TIGD5: variants seen among roughly 807,000 people sequenced by gnomAD.
TIGD5 encodes the protein tigger transposable element derived 5, also known as tigger transposable element-derived protein 5.
TIGD5 carries 24 observed loss-of-function variants against 28.8 expected under a neutral mutation model. The ratio of observed to expected loss-of-function variants is 0.83; its 90% confidence interval spans 0.60 to 1.17. The LOEUF (loss-of-function observed/expected upper bound fraction) is 1.17. TIGD5 is among the 50% of genes most tolerant of loss of function. The pLI is 0.00. For synonymous variants in TIGD5, 538 were observed against 430.5 expected (o/e 1.25, Z -3.09); for missense variants, 922 against 911.4 (o/e 1.01, Z -0.15).
rs1829279828 is a variant in TIGD5, at chr8:143,602,284, CGCT to C, written c.*2457_*2459del. The C allele has an allele frequency of 1.3e-5, 2 of 152,242 alleles. No individual in the cohort carries two copies. Among genetic ancestry groups the C allele is most frequent in the Admixed American group, 6.5e-5 (1 of 15,278 alleles). The allele number at this position is 152,242 out of a possible 1,614,324, so 9.4% of individuals were successfully genotyped here. ...TGACAGAGGCTTGGCCGCTGGGCCC[CGCT>C]GCTGAGAAGGCTGCTCTGCCCATGC... On this transcript the variant is annotated 3_prime_UTR_variant, in exon 1 of 1. Coordinates refer to ENST00000504548, the MANE Select transcript of TIGD5 (RefSeq NM_032862.5).
Position 143,598,179 on chromosome 8 carries a change from C to A in TIGD5, c.276C>A (p.Leu92=). 1 of 1,603,098 alleles carries A rather than the reference C, an allele frequency of 6.2e-7. No individual in the cohort carries two copies. Among genetic ancestry groups the A allele is most frequent in the Non-Finnish European group, 8.5e-7 (1 of 1,175,754 alleles). The change falls in exon 1 of 1, where the codon CTC becomes CTA. Residue 92 remains leucine, a synonymous_variant. Transcript: ENST00000504548. This position sits in a 1 kb window ranked among gnomAD's most constrained non-coding sequence, Gnocchi z 6.6. ...CGGGCGGGACGCTGCGCGGCTGGCT[C>A]AAGGACGAGCCCAAGCTGCGCTGGT... The part of the protein sequence containing the change: ...GVPGGTLRGW[L]KDEPKLRWFL...
chr8:143,598,022 C>T lies in TIGD5; in HGVS notation c.119C>T (p.Pro40Leu), dbSNP rs2131376618. ...GCTGCACGGCCGCCGCCCCCCGCGC[C>T]CGGGCCGCGGCCCCGCGTGGCCGTG... ...VPAARPPPPA[P>L]GPRPRVAVKM... The change falls in exon 1 of 1, where the codon CCC (proline) becomes CTC (leucine). Residue 40 changes from proline to leucine, a missense_variant. By Grantham distance (98) the Pro-to-Leu change is moderately conservative. Around this residue, in one of 3 missense-constraint regions of TIGD5, gnomAD observed 87 missense variants for 60.9 expected, o/e 1.43. Transcript: ENST00000504548. This position sits in a 1 kb window ranked among gnomAD's most constrained non-coding sequence, Gnocchi z 6.6. 1.5e-6 allele frequency: 2 copies of T among 1,303,290 alleles called. No homozygotes were observed. The highest frequency in any genetic ancestry group is 8.3e-5 in the Admixed American group (2 of 24,080). The allele number at this position is 1,303,290 out of a possible 1,614,324, so 80.7% of individuals were successfully genotyped here.
chr8:143,598,948 C>G lies in TIGD5; in HGVS notation c.1045C>G (p.Leu349Val), dbSNP rs978222542. ...CAAACGCTACCTGCGCCGAAGCTGC[C>G]TGCAGCAGAAGGCCGTGCTGCTGGT... The part of the protein sequence containing the change: ...GVKRYLRRSC[L>V]QQKAVLLVAH... Residue 349 changes from leucine to valine, a missense_variant, in exon 1 of 1, where the codon CTG becomes GTG. By Grantham distance (32) the Leu-to-Val change is conservative. Around this residue, in one of 3 missense-constraint regions of TIGD5, gnomAD observed 821 missense variants for 815.2 expected, o/e 1.01. Transcript: ENST00000504548. This position sits in a 1 kb window ranked among gnomAD's most constrained non-coding sequence, Gnocchi z 6.6. 21 of 1,586,120 alleles carry G rather than the reference C, an allele frequency of 1.3e-5. No homozygotes were observed. Among genetic ancestry groups the G allele is most frequent in the African/African-American group, 2.7e-5 (2 of 74,670 alleles).
In TIGD5 at chr8:143,599,449, C is replaced by T. The variant is rs1313622809; in HGVS notation, c.1546C>T (p.Leu516=). Residue 516 remains leucine (L), a synonymous_variant, in exon 1 of 1, where the codon CTG becomes TTG. Coordinates refer to ENST00000504548, the MANE Select transcript of TIGD5 (RefSeq NM_032862.5). ...HSRVLSDLTH[L]AALAYKCLAP... ...CAGGGTGCTCAGCGACCTCACCCAC[C>T]TGGCGGCTCTGGCCTACAAGTGCCT... 6.3e-7 allele frequency: 1 copy of T among 1,581,188 alleles called. No individual in the cohort carries two copies. Among genetic ancestry groups the T allele is most frequent in the African/African-American group, 1.3e-5 (1 of 74,348 alleles).
Position 143,599,560 on chromosome 8 carries a change from C to G in TIGD5, c.1657C>G (p.Leu553Val), listed in dbSNP as rs756275639. 3 of 1,559,962 alleles carry G rather than the reference C, an allele frequency of 1.9e-6. No individual in the cohort carries two copies. In the African/African-American group the frequency reaches 4.1e-5, roughly 21 times the overall value. Residue 553 changes from leucine (L) to valine (V), a missense_variant, in exon 1 of 1, where the codon CTG becomes GTG. Coordinates refer to ENST00000504548, the MANE Select transcript of TIGD5 (RefSeq NM_032862.5). ...EGCREEVGPA[L>V]PPAAPPAPAS... ...CTGCAGGGAGGAGGTGGGCCCAGCC[C>G]TGCCCCCTGCAGCGCCTCCGGCCCC...
At position 143,599,602 on chromosome 8, in the gene TIGD5, G is replaced by A; in HGVS notation, c.1699G>A (p.Ala567Thr). The A allele has an allele frequency of 6.5e-7, 1 of 1,531,332 alleles. No homozygotes were observed. Among genetic ancestry groups the A allele is most frequent in the Admixed American group, 2.2e-5 (1 of 46,146 alleles). The allele number at this position is 1,531,332 out of a possible 1,614,324, so 94.9% of individuals were successfully genotyped here. A position where few individuals can be genotyped will look rare whatever the true frequency, so the allele number is the denominator to read the frequency against. ...APPAPASLPSAMGGGEDEEEA... is the reference protein window; with the variant it reads ...APPAPASLPSTMGGGEDEEEA... ...TCCGGCCCCAGCCAGTCTGCCCTCT[G>A]CCATGGGGGGCGGAGAGGACGAGGA... is the stretch of plus-strand genomic sequence containing the variant. Residue 567 changes from alanine (A) to threonine (T), a missense_variant, in exon 1 of 1, where the codon GCC becomes ACC. By Grantham distance (58) the Ala-to-Thr change is moderately conservative (BLOSUM62 0). Transcript: ENST00000504548.
chr8:143,599,960 A>AGCC lies in TIGD5; in HGVS notation c.*128_*129insGCC. On this transcript the variant is annotated 3_prime_UTR_variant, in exon 1 of 1. Transcript: ENST00000504548. ...GGGTACAGGGGGTTCCAGGAATCCAAATCCAGCATGGCTTGGAGGAGCTCT... is the reference window on the plus strand; with the variant it reads ...GGGTACAGGGGGTTCCAGGAATCCAAGCCATCCAGCATGGCTTGGAGGAGCTCT... 1 of 1,093,872 alleles carries AGCC rather than the reference A, an allele frequency of 9.1e-7. No individual in the cohort carries two copies. The highest frequency in any genetic ancestry group is 1.2e-6 in the Non-Finnish European group (1 of 836,662). 67.8% of individuals were successfully genotyped at this position (1,093,872 alleles called of 1,614,324 possible). A position where few individuals can be genotyped will look rare whatever the true frequency, so the allele number is the denominator to read the frequency against.
rs919792079 is a variant in TIGD5, at chr8:143,603,076, C to T, written c.*3244C>T. ...AGACACCCATGGGGAGCAGCCCCAA[C>T]AGCATGTCGGAGTCCCTAGGCTTGT... On this transcript the variant is annotated 3_prime_UTR_variant, in exon 1 of 1. Coordinates refer to ENST00000504548, the MANE Select transcript of TIGD5 (RefSeq NM_032862.5). 1.2e-4 allele frequency: 19 copies of T among 152,242 alleles called. No homozygotes were observed. Among genetic ancestry groups the T allele is most frequent in the African/African-American group, 3.9e-4 (16 of 41,454 alleles). The allele number at this position is 152,242 out of a possible 1,614,324, so 9.4% of individuals were successfully genotyped here. A position where few individuals can be genotyped will look rare whatever the true frequency, so the allele number is the denominator to read the frequency against.
In TIGD5 at chr8:143,601,740, G is replaced by C. The variant is rs968939819; in HGVS notation, c.*1908G>C. The C allele has an allele frequency of 1.3e-5, 2 of 152,252 alleles. No homozygotes were observed. Among genetic ancestry groups the C allele is most frequent in the African/African-American group, 4.8e-5 (2 of 41,464 alleles). 9.4% of individuals were successfully genotyped at this position (152,252 alleles called of 1,614,324 possible). On this transcript the variant is annotated 3_prime_UTR_variant, in exon 1 of 1. Coordinates refer to ENST00000504548, the MANE Select transcript of TIGD5 (RefSeq NM_032862.5). ...CGCTCCTCTCATCGGGGTGGCTGTG[G>C]CCTGTCCCCCAGTCCCTCAATGGCC...
rs890549729 is a variant in TIGD5, at chr8:143,599,994, G to C, written c.*162G>C. The C allele has an allele frequency of 2.8e-5, 22 of 790,632 alleles. No homozygotes were observed. Among genetic ancestry groups the C allele is most frequent in the Non-Finnish European group, 3.9e-5 (22 of 570,364 alleles). 49.0% of individuals were successfully genotyped at this position (790,632 alleles called of 1,614,324 possible). A position where few individuals can be genotyped will look rare whatever the true frequency, so the allele number is the denominator to read the frequency against. ...TGGCTTGGAGGAGCTCTGTTGGTGA[G>C]AGGTCGCCCTGCCTCACTGGCACCC... On this transcript the variant is annotated 3_prime_UTR_variant, in exon 1 of 1. Transcript: ENST00000504548.
At position 143,597,959 on chromosome 8, in the gene TIGD5, T is replaced by A; in HGVS notation, c.56T>A (p.Leu19Gln). Residue 19 changes from leucine to glutamine, a missense_variant, in exon 1 of 1, where the codon CTG (leucine) becomes CAG (glutamine). Around this residue, in one of 3 missense-constraint regions of TIGD5, gnomAD observed 87 missense variants for 60.9 expected, o/e 1.43. Transcript: ENST00000504548. The part of the protein sequence containing the change: ...GPVPRRGRRP[L>Q]PGPPAPAPAP... Reference sequence around the variant, plus strand: ...GTACCGCGCCGCGGCCGCCGTCCCCTGCCCGGGCCCCCCGCGCCCGCCCCA... The same window carrying A: ...GTACCGCGCCGCGGCCGCCGTCCCCAGCCCGGGCCCCCCGCGCCCGCCCCA... The A allele has an allele frequency of 2.3e-6, 2 of 865,188 alleles. No individual in the cohort carries two copies. The highest frequency in any genetic ancestry group is 2.8e-6 in the Non-Finnish European group (2 of 725,446). 53.6% of individuals were successfully genotyped at this position (865,188 alleles called of 1,614,324 possible). A position where few individuals can be genotyped will look rare whatever the true frequency, so the allele number is the denominator to read the frequency against.
At position 143,599,638 on chromosome 8, in the gene TIGD5, G is replaced by A. The variant is rs10282930; in HGVS notation, c.1735G>A (p.Asp579Asn). The A allele has an allele frequency of 3.0e-5, 45 of 1,522,878 alleles. No homozygotes were observed. The highest frequency in any genetic ancestry group is 4.6e-5 in the East Asian group (2 of 43,880). The allele number at this position is 1,522,878 out of a possible 1,614,324, so 94.3% of individuals were successfully genotyped here. ...CGGAGAGGACGAGGAGGAGGCCACC[G>A]ACTATGGAGGGACCTCAGTGCCGAC... ...GGGEDEEEATDYGGTSVPTAG... is the reference protein window; with the variant it reads ...GGGEDEEEATNYGGTSVPTAG... Residue 579 changes from aspartate to asparagine, a missense_variant, in exon 1 of 1, where the codon GAC becomes AAC. This residue lies in a region of TIGD5 where 821 missense variants were observed against 815.2 expected (regional missense o/e 1.01). Coordinates refer to ENST00000504548, the MANE Select transcript of TIGD5 (RefSeq NM_032862.5).
At position 143,598,158 on chromosome 8, in the gene TIGD5, C is replaced by T; in HGVS notation, c.255C>T (p.Gly85=). 1 of 1,594,956 alleles carries T rather than the reference C, an allele frequency of 6.3e-7. No homozygotes were observed. The highest frequency in any genetic ancestry group is 8.5e-7 in the Non-Finnish European group (1 of 1,172,090). The change falls in exon 1 of 1, where the codon GGC becomes GGT. Residue 85 remains glycine, a synonymous_variant. Coordinates refer to ENST00000504548, the MANE Select transcript of TIGD5 (RefSeq NM_032862.5). This position sits in a 1 kb window ranked among gnomAD's most constrained non-coding sequence, Gnocchi z 6.6. ...ASVCRDFGVP[G]GTLRGWLKDE... ...TGTGCCGCGACTTCGGCGTGCCGGGCGGGACGCTGCGCGGCTGGCTCAAGG... is the reference window on the plus strand; with the variant it reads ...TGTGCCGCGACTTCGGCGTGCCGGGTGGGACGCTGCGCGGCTGGCTCAAGG...
rs1416373541 is a variant in TIGD5, at chr8:143,598,819, C to CACA, written c.919_921dup (p.Asn307dup). The CACA allele has an allele frequency of 5.0e-6, 8 of 1,601,142 alleles. No homozygotes were observed. Among genetic ancestry groups the CACA allele is most frequent in the Non-Finnish European group, 5.9e-6 (7 of 1,179,548 alleles). ...GCCGGACCCGCCCAGCCTGCGCCACCACAACCAGGACAAGTTCCCGGCCTC... is the reference window on the plus strand; with the variant it reads ...GCCGGACCCGCCCAGCCTGCGCCACCACAACAACCAGGACAAGTTCCCGGCCTC... On this transcript the variant is annotated inframe_insertion, in exon 1 of 1. Transcript: ENST00000504548. This position sits in a 1 kb window ranked among gnomAD's most constrained non-coding sequence, Gnocchi z 6.6.
At position 143,599,172 on chromosome 8, in the gene TIGD5, C is replaced by G; in HGVS notation, c.1269C>G (p.Ala423=). 2 of 1,609,026 alleles carry G rather than the reference C, an allele frequency of 1.2e-6. No individual in the cohort carries two copies. The highest frequency in any genetic ancestry group is 3.3e-5 in the Admixed American group (2 of 59,738). The change falls in exon 1 of 1, where the codon GCC becomes GCG. Residue 423 remains alanine (A), a synonymous_variant. Coordinates refer to ENST00000504548, the MANE Select transcript of TIGD5 (RefSeq NM_032862.5). ...CACCGCTGGAGCAGGGCGTGGTGGC[C>G]GCCTTCAAACAGCTGTACAAGCGCG... ...IPAPLEQGVV[A]AFKQLYKREL...
Position 143,599,300 on chromosome 8 carries a change from A to C in TIGD5, c.1397A>C (p.Asp466Ala). The C allele has an allele frequency of 3.7e-6, 6 of 1,608,744 alleles. No individual in the cohort carries two copies. Among genetic ancestry groups the C allele is most frequent in the Non-Finnish European group, 5.1e-6 (6 of 1,178,296 alleles). Residue 466 changes from aspartate to alanine, a missense_variant, in exon 1 of 1, where the codon GAC becomes GCC. By Grantham distance (126) the Asp-to-Ala change is moderately radical (BLOSUM62 -2). Coordinates refer to ENST00000504548, the MANE Select transcript of TIGD5 (RefSeq NM_032862.5). ...DMLYLAGLSW[D>A]LVQAGSIERC... The stretch of plus-strand genomic sequence containing the variant: ...CTCTACCTGGCTGGCCTCTCCTGGG[A>C]CCTGGTGCAGGCGGGCAGCATTGAG...
chr8:143,599,162 G>T lies in TIGD5; in HGVS notation c.1259G>T (p.Gly420Val), dbSNP rs1829198669. The T allele has an allele frequency of 6.2e-7, 1 of 1,607,188 alleles. No individual in the cohort carries two copies. The highest frequency in any genetic ancestry group is 1.3e-5 in the African/African-American group (1 of 74,876). The change falls in exon 1 of 1, where the codon GGC becomes GTC. Residue 420 changes from glycine to valine, a missense_variant. Transcript: ENST00000504548. ...RAHIPAPLEQ[G>V]VVAAFKQLYK... ...CATATCCCCGCACCGCTGGAGCAGG[G>T]CGTGGTGGCCGCCTTCAAACAGCTG...
rs1385612947 is a variant in TIGD5, at chr8:143,601,562, G to C, written c.*1730G>C. 1 of 152,332 alleles carries C rather than the reference G, an allele frequency of 6.6e-6. No homozygotes were observed. The highest frequency in any genetic ancestry group is 1.5e-5 in the Non-Finnish European group (1 of 68,084). The allele number at this position is 152,332 out of a possible 1,614,324, so 9.4% of individuals were successfully genotyped here. A position where few individuals can be genotyped will look rare whatever the true frequency, so the allele number is the denominator to read the frequency against. ...AGTGAGGGCTGCATAGCCAGGCCTT[G>C]TCTGTAGTCTGGGCGGCCCGTGGCG... On this transcript the variant is annotated 3_prime_UTR_variant, in exon 1 of 1. Coordinates refer to ENST00000504548, the MANE Select transcript of TIGD5 (RefSeq NM_032862.5).
Position 143,599,051 on chromosome 8 carries a change from C to T in TIGD5, c.1148C>T (p.Pro383Leu), listed in dbSNP as rs978927469. 8 of 1,569,102 alleles carry T rather than the reference C, an allele frequency of 5.1e-6. No individual in the cohort carries two copies. The highest frequency in any genetic ancestry group is 1.8e-4 in the Middle Eastern group (1 of 5,552). Residue 383 changes from proline (P) to leucine (L), a missense_variant, in exon 1 of 1, where the codon CCG becomes CTG. By Grantham distance (98) the Pro-to-Leu change is moderately conservative. This residue lies in a region of TIGD5 where 821 missense variants were observed against 815.2 expected (regional missense o/e 1.01). Transcript: ENST00000504548. ...GAGGATGCCCCCGTGCGGTGCAGGC[C>T]GGAGCCCCTCGGTCCCCCGGAGGAG... ...DSEDAPVRCR[P>L]EPLGPPEELQ...
Sources: allele counts gnomAD v4.1 joint callset, GRCh38; gene constraint gnomAD v4.1.1; regional missense constraint gnomAD v4.1.1; non-coding constraint Gnocchi (gnomAD v3.1); transcripts MANE v1.5; gene names NCBI Gene and HGNC (gene_info 2026-07-23, HGNC 2026-07-21).